ASPH: variants seen among roughly 807,000 people sequenced by gnomAD.
The protein encoded by ASPH is aspartyl/asparaginyl beta-hydroxylase.
ASPH carries 100 observed loss-of-function variants against 118.4 expected under a neutral mutation model. The ratio of observed to expected loss-of-function variants is 0.84; its 90% confidence interval spans 0.72 to 1.00. The LOEUF (loss-of-function observed/expected upper bound fraction) is 1.00. Ranked by LOEUF, ASPH falls within the 50% of genes least tolerant of loss-of-function variation. The probability of loss-of-function intolerance (pLI) is 0.00; values close to 1 mark genes in which losing one functional copy is unlikely to be tolerated. For synonymous variants in ASPH, 315 were observed against 325.6 expected (o/e 0.97, Z 0.35); for missense variants, 920 against 919.5 (o/e 1.00, Z -0.01).
chr8:61,579,009 A>G (rs1836414978), intron 15 of ASPH: 1 of 1,610,682 alleles, frequency 6.2e-7, no homozygotes, highest in African/African-American at 1.3e-5. Context: ...TGCTGAGGTC[A>G]AGGCACAGTA....
chr8:61,574,790 C>A (rs1276216122), intron 16 of ASPH, among the ~76,000 whole-genome samples: 1 of 152,092 alleles, frequency 6.6e-6, no homozygotes, highest in African/African-American at 2.4e-5. Context: ...CACGTGTATA[C>A]CTATGTAACA....
rs948735766 is a variant in ASPH, at chr8:61,680,898, T to C, written c.322+70A>G. The C allele has an allele frequency of 5.3e-5, 71 of 1,341,116 alleles. No individual in the cohort carries two copies. The Middle Eastern group carries it at 7.4e-4, about 14-fold the overall frequency. The allele number at this position is 1,341,116 out of a possible 1,614,324, so 83.1% of individuals were successfully genotyped here. Reference sequence around the variant, plus strand: ...AAGATATATACTATTGAGATAGATATTATTAAAGCAAAAATAATTGTTTCC... The same window carrying C: ...AAGATATATACTATTGAGATAGATACTATTAAAGCAAAAATAATTGTTTCC... On this transcript the variant is annotated intron_variant, in intron 3 of 24. Coordinates refer to ENST00000379454, the MANE Select transcript of ASPH (RefSeq NM_004318.4).
At chr8:61,657,880 AT>A (rs1473151723) in intron 3 of ASPH, 3 of 152,230 alleles carry the variant, frequency 2.0e-5, no homozygotes, top group Non-Finnish European at 2.9e-5. Flanking sequence ...GTTTTTTAAA[AT>A]TAGTGTTTTA....
At chr8:61,652,500 A>G (rs2151123519) in intron 4 of ASPH, among the ~76,000 whole-genome samples, 1 of 152,324 alleles carries the variant, frequency 6.6e-6, no homozygotes, top group African/African-American at 2.4e-5. Flanking sequence ...AGGGGATTGG[A>G]AGATGCAGAA....
chr8:61,572,907 A>G (rs935782869), intron 16 of ASPH, among the ~76,000 whole-genome samples: 2 of 152,230 alleles, frequency 1.3e-5, no homozygotes, highest in Non-Finnish European at 2.9e-5. Flanking sequence ...AAATAGAAAG[A>G]GAGGAAGTCA....
At position 61,686,454 on chromosome 8, in the gene ASPH, G is replaced by A. The variant is rs550826676; in HGVS notation, c.104-2266C>T. Among the ~76,000 whole-genome samples, 196 of 152,186 alleles carry A rather than the reference G, an allele frequency of 1.3e-3. 2 individuals carry two copies. The highest frequency in any genetic ancestry group is 4.0e-3 in the African/African-American group (168 of 41,540). ...AAAATTTGAAGAAAAAAAGATTTAC[G>A]AAAGTGAGTAAGCTTCTGTGAGGTC... On this transcript the variant is annotated intron_variant, in intron 1 of 24. Transcript: ENST00000379454.
intron 15 of ASPH, chr8:61,583,540 CCAAAAAAAAAAAAAAAAAAAT>C: frequency 2.1e-5 from 1 of 47,370 alleles, no homozygotes; most frequent in Non-Finnish European, 4.2e-5. Context: ...GAGGCTCTGT[CCAAAAAAAAAAAAAAAAAAAT>C]TCTCATTTGA....
At chr8:61,537,033 G>A (rs550854352) in intron 21 of ASPH, among the ~76,000 whole-genome samples, 12 of 152,312 alleles carry the variant, frequency 7.9e-5, no homozygotes, top group Admixed American at 6.5e-4. Context: ...CTTCACCTGA[G>A]AGGAAGGAGA....
At chr8:61,523,321 T>TTTCTTTC (rs752326515) in intron 22 of ASPH, among the ~76,000 whole-genome samples, 10 of 109,128 alleles carry the variant, frequency 9.2e-5, no homozygotes, top group South Asian at 5.5e-4. Flanking sequence ...TCTTTCTTTC[T>TTTCTTTC]TTTTTTTTTT....
intron 3 of ASPH, chr8:61,668,148 G>C (rs1022762485): frequency 7.6e-7 from 1 of 1,315,992 alleles, no homozygotes; most frequent in Non-Finnish European, 1.1e-6. Context: ...AGCATTAGTA[G>C]CAATATTAAC....
chr8:61,552,918 G>A, intron 20 of ASPH, 113 bp downstream of exon 20: 1 of 868,266 alleles, frequency 1.2e-6, no homozygotes, highest in Non-Finnish European at 1.8e-6. Context: ...TTATATCACT[G>A]CTTTCGAAAG....
In ASPH at chr8:61,642,914, A is replaced by T. The variant is rs1375377728; in HGVS notation, c.764T>A (p.Val255Glu). Residue 255 changes from valine (V) to glutamate (E), a missense_variant, in exon 10 of 25, where the codon GTA becomes GAA. Coordinates refer to ENST00000379454, the MANE Select transcript of ASPH (RefSeq NM_004318.4). ...DERLHHDTDD[V>E]TYQVYEEQAV... is the part of the protein sequence containing the mutation. ...TTGTTCCTCATAGACTTGGTATGTT[A>T]CATCATCTGAAAAAAAAAAGAGAAT... 6.4e-7 allele frequency: 1 copy of T among 1,561,092 alleles called. No homozygotes were observed. Among genetic ancestry groups the T allele is most frequent in the Admixed American group, 2.2e-5 (1 of 44,522 alleles).
chr8:61,575,867 A>ATAGGCAAAAGGTACCACCTCTG (rs1834970745), intron 16 of ASPH, among the ~76,000 whole-genome samples: 1 of 152,152 alleles, frequency 6.6e-6, no homozygotes, highest in African/African-American at 2.4e-5. Flanking sequence ...TACCACCCCT[A>ATAGGCAAAAGGTACCACCTCTG]TAGGCAAAAG....
intron 5 of ASPH, among the ~76,000 whole-genome samples, chr8:61,650,442 G>A (rs891133538): frequency 6.6e-6 from 1 of 152,108 alleles, no homozygotes; most frequent in Non-Finnish European, 1.5e-5. Context: ...CATGAGATAC[G>A]TTTTGGGATC....
intron 24 of ASPH, among the ~76,000 whole-genome samples, chr8:61,504,683 T>C (rs936024602): frequency 1.3e-5 from 2 of 152,164 alleles, no homozygotes; most frequent in African/African-American, 4.8e-5. Flanking sequence ...GGCAGTAGCA[T>C]TCCCTATACC....
intron 21 of ASPH, among the ~76,000 whole-genome samples, chr8:61,538,549 T>C (rs1820499140): frequency 6.6e-6 from 1 of 152,220 alleles, no homozygotes. Context: ...AACATTCAAG[T>C]ATTTAATTAC....
Position 61,607,206 on chromosome 8 carries a change from T to C in ASPH, c.976+11772A>G, listed in dbSNP as rs550237804. On this transcript the variant is annotated intron_variant, in intron 14 of 24. Coordinates refer to ENST00000379454, the MANE Select transcript of ASPH (RefSeq NM_004318.4). ...CATCCTTCTTAGCTAGAAGCTGTTA[T>C]CTTCTTTATTCAGTTCCCCCTTCCA... 53 of 684,842 alleles carry C rather than the reference T, an allele frequency of 7.7e-5. No individual in the cohort carries two copies. In the East Asian group the frequency reaches 1.1e-3, roughly 14 times the overall value. 42.4% of individuals were successfully genotyped at this position (684,842 alleles called of 1,614,324 possible).
At chr8:61,663,452 G>A in intron 3 of ASPH, 1 of 985,412 alleles carries the variant, frequency 1.0e-6, no homozygotes, top group Non-Finnish European at 1.2e-6. Flanking sequence ...TTATCAAGTG[G>A]TAGCATCTCC....
intron 13 of ASPH, among the ~76,000 whole-genome samples, chr8:61,628,579 G>T (rs564710716): frequency 6.6e-6 from 1 of 152,090 alleles, no homozygotes; most frequent in East Asian, 1.9e-4. Flanking sequence ...TTTGTGCTTT[G>T]TAAGCTCTAG....
Sources: allele counts gnomAD v4.1 joint callset (sites outside exome capture counted in the v4.1 genomes callset), GRCh38; gene constraint gnomAD v4.1.1; transcripts MANE v1.5; gene names NCBI Gene and HGNC (gene_info 2026-07-23, HGNC 2026-07-21).